Variants in AKAP10 observed in about 807,000 individuals in gnomAD.
AKAP10 encodes the protein A-kinase anchoring protein 10, also known as A-kinase anchor protein 10, mitochondrial.
Under a neutral mutation model 80.8 loss-of-function variants are expected in AKAP10, and 24 were observed. The observed-to-expected ratio is 0.30, with a 90% CI of 0.22 to 0.42. The LOEUF is 0.42. Among genes scored for constraint, AKAP10 ranks in the 10% least tolerant of loss-of-function variants. The probability of loss-of-function intolerance (pLI) is 1.00; values close to 1 mark genes in which losing one functional copy is unlikely to be tolerated. For missense variants in AKAP10, 661 were observed against 794.9 expected (o/e 0.83, Z 2.03); for synonymous variants, 291 against 277.7 (o/e 1.05, Z -0.48).
intron 3 of AKAP10, among the ~76,000 whole-genome samples, chr17:19,962,577 A>C (rs1010806340): frequency 1.3e-5 from 2 of 152,212 alleles, no homozygotes; most frequent in Admixed American, 1.3e-4. Flanking sequence ...CTCAGTAATA[A>C]AGTGAGACAT....
intron 12 of AKAP10, among the ~76,000 whole-genome samples, chr17:19,910,365 A>C (rs2042677271): frequency 6.7e-6 from 1 of 150,160 alleles, no homozygotes; most frequent in Admixed American, 6.7e-5. Context: ...CCACCACCAC[A>C]ATGCTCTTAT....
chr17:19,940,012 GAA>G (rs2043035844), intron 7 of AKAP10, among the ~76,000 whole-genome samples, 163 bp from the exon 8 acceptor site: 1 of 152,144 alleles, frequency 6.6e-6, no homozygotes, highest in African/African-American at 2.4e-5. Flanking sequence ...ATTTGAGATT[GAA>G]AAGTTTTAAA....
chr17:19,950,295 G>C (rs2043184754), intron 4 of AKAP10, among the ~76,000 whole-genome samples: 1 of 152,154 alleles, frequency 6.6e-6, no homozygotes, highest in African/African-American at 2.4e-5. Flanking sequence ...AAGCAAAAAA[G>C]GGGCTCTCCC....
At chr17:19,912,155 C>T (rs1337013853) in intron 12 of AKAP10, among the ~76,000 whole-genome samples, 3 of 152,210 alleles carry the variant, frequency 2.0e-5, no homozygotes, top group African/African-American at 4.8e-5. Context: ...TGGCTCACGC[C>T]TGTAATCCCA....
At chr17:19,965,561 C>T (rs186464576) in intron 2 of AKAP10, among the ~76,000 whole-genome samples, 1 of 152,278 alleles carries the variant, frequency 6.6e-6, no homozygotes, top group East Asian at 1.9e-4. Flanking sequence ...GTCTGAAGGC[C>T]CCTTTGCCCA....
At chr17:19,919,976 C>T in intron 12 of AKAP10, 60 bp downstream of exon 12, 1 of 1,422,516 alleles carries the variant, frequency 7.0e-7, no homozygotes, top group East Asian at 2.3e-5. Context: ...TGGTCTTTGA[C>T]TTACAGTCAA....
At chr17:19,920,855 CAAAAAAAAAAAAAAAAAA>C (rs61148312) in intron 11 of AKAP10, among the ~76,000 whole-genome samples, 4 of 35,328 alleles carry the variant, frequency 1.1e-4, no homozygotes, top group South Asian at 4.1e-3. Context: ...GACTCTATCT[CAAAAAAAAAAAAAAAAAA>C]AAAAAAAAAA....
intron 4 of AKAP10, among the ~76,000 whole-genome samples, chr17:19,951,056 G>A (rs1413715241): frequency 6.6e-6 from 1 of 152,156 alleles, no homozygotes; most frequent in African/African-American, 2.4e-5. Flanking sequence ...TGAGAAGTGA[G>A]GAGCCCCTCC....
intron 1 of AKAP10, among the ~76,000 whole-genome samples, chr17:19,974,397 G>C (rs1246120740): frequency 6.6e-6 from 1 of 152,096 alleles, no homozygotes; most frequent in Admixed American, 6.6e-5. Flanking sequence ...TATAAGTTTT[G>C]CGATTTTTTT....
At chr17:19,946,237 T>TTTTATATATA (rs1555576595) in intron 5 of AKAP10, among the ~76,000 whole-genome samples, 1 of 15,176 alleles carries the variant, frequency 6.6e-5, no homozygotes, top group South Asian at 2.3e-3. Flanking sequence ...TATATATATA[T>TTTTATATATA]TATATATATA....
intron 2 of AKAP10, among the ~76,000 whole-genome samples, chr17:19,965,834 CTATACGAGTTTCTCTA>C (rs1362270073): frequency 1.3e-5 from 2 of 151,652 alleles, no homozygotes; most frequent in Non-Finnish European, 2.9e-5. Flanking sequence ...ATACCAGGCA[CTATACGAGTTTCTCTA>C]TGTACCTTTT....
rs1567779120 is a variant in AKAP10 at position 19,970,831 on chromosome 17, A to AT, written c.89-2371_89-2370insA. ...GAGCAAGACTCTGTCTTAAAAAAAA[A>AT]AAAATAAATAAATAAATAAAGACAT... On this transcript the variant is annotated intron_variant, in intron 1 of 14. Transcript: ENST00000225737. 2.2e-4 allele frequency among the ~76,000 whole-genome samples: 34 copies of AT among 152,026 alleles called. No individual in the cohort carries two copies. The East Asian group carries it at 4.9e-3, about 22-fold the overall frequency.
At chr17:19,973,592 A>G (rs921047898) in intron 1 of AKAP10, among the ~76,000 whole-genome samples, 6 of 152,204 alleles carry the variant, frequency 3.9e-5, no homozygotes, top group Non-Finnish European at 8.8e-5. Flanking sequence ...TATATACCAT[A>G]AGTATCAAGA....
chr17:19,946,270 TA>T lies in AKAP10; in HGVS notation c.976+1136del, dbSNP rs1567766004. On this transcript the variant is annotated intron_variant, in intron 5 of 14. Transcript: ENST00000225737. Reference sequence around the variant, plus strand: ...ATATATATATATATATATATATATATATATATTTTTTTTTTTTTTTTTTTTT... The same window carrying T: ...ATATATATATATATATATATATATATTATATTTTTTTTTTTTTTTTTTTTT... Among the ~76,000 whole-genome samples, 136 of 31,346 alleles carry T rather than the reference TA, an allele frequency of 4.3e-3. 5 individuals carry two copies. Among genetic ancestry groups the T allele is most frequent in the Admixed American group, 7.4e-3 (14 of 1,902 alleles). The allele number at this position is 31,346 out of a possible 152,430, so 20.6% of individuals were successfully genotyped here.
At chr17:19,951,218 C>CTGGGAGGGAGGTGGGGGGT (rs2043207649) in intron 4 of AKAP10, among the ~76,000 whole-genome samples, 2 of 116,760 alleles carry the variant, frequency 1.7e-5, no homozygotes, top group Admixed American at 9.0e-5. Flanking sequence ...GCCGCCCCGT[C>CTGGGAGGGAGGTGGGGGGT]CGGGAGGGAG....
intron 1 of AKAP10, among the ~76,000 whole-genome samples, chr17:19,969,388 A>G (rs2043466118): frequency 6.6e-6 from 1 of 152,156 alleles, no homozygotes; most frequent in African/African-American, 2.4e-5. Flanking sequence ...AAATAATCAT[A>G]TAATTGCTTC....
chr17:19,941,791 T>C (rs1410812763), intron 6 of AKAP10, 35 bp downstream of exon 6: 3 of 1,488,326 alleles, frequency 2.0e-6, no homozygotes, highest in Non-Finnish European at 2.7e-6. Flanking sequence ...CCAAATTCCC[T>C]AGGATGCACA....
Position 19,950,367 on chromosome 17 carries a change from C to T in AKAP10, c.878-2862G>A, listed in dbSNP as rs558752038. 1.1e-4 allele frequency among the ~76,000 whole-genome samples: 17 copies of T among 152,402 alleles called. No homozygotes were observed. The South Asian group carries it at 3.5e-3, about 32-fold the overall frequency. ...GCCACCAAAGTTGTGAAAGCCGAGG[C>T]TGGACTGTACTGCCGCCATCTCGGC... On this transcript the variant is annotated intron_variant, in intron 4 of 14. Coordinates refer to ENST00000225737, the MANE Select transcript of AKAP10 (RefSeq NM_007202.4).
chr17:19,964,785 TGG>T (rs1269839037), intron 2 of AKAP10, among the ~76,000 whole-genome samples: 3 of 152,056 alleles, frequency 2.0e-5, no homozygotes, highest in African/African-American at 7.2e-5. Context: ...CCCAGCTACT[TGG>T]GAGGCTGAGG....
Sources: allele counts gnomAD v4.1 joint callset (sites outside exome capture counted in the v4.1 genomes callset), GRCh38; gene constraint gnomAD v4.1.1; transcripts MANE v1.5; gene names NCBI Gene and HGNC (gene_info 2026-07-23, HGNC 2026-07-21).